Variants in CATSPERE observed in about 807,000 individuals in gnomAD.
CATSPERE encodes catsper channel auxiliary subunit epsilon.
A neutral mutation model predicts 114.1 loss-of-function variants in CATSPERE; 93 were observed. The ratio of observed to expected loss-of-function variants is 0.81; its 90% CI spans 0.69 to 0.97. CATSPERE has a LOEUF of 0.97. Ranked by LOEUF, CATSPERE falls within the 50% of genes least tolerant of loss-of-function variation. CATSPERE has a pLI of 0.00. For missense variants in CATSPERE, 1,058 were observed against 1,131.6 expected (o/e 0.93, Z 0.93); for synonymous variants, 341 against 384.1 (o/e 0.89, Z 1.31).
At chr1:244,597,410 C>T (rs147622129) in intron 17 of CATSPERE, among the ~76,000 whole-genome samples, 5 of 152,232 alleles carry the variant, frequency 3.3e-5, no homozygotes, top group African/African-American at 7.2e-5. Context: ...AGAATTGACA[C>T]GGTTAATCAT....
chr1:244,583,376 C>G (rs1356060770), intron 12 of CATSPERE, among the ~76,000 whole-genome samples: 1 of 152,154 alleles, frequency 6.6e-6, no homozygotes. Context: ...CAATCCCAGT[C>G]AGATCATATT....
chr1:244,559,835 A>G (rs1662269357), intron 9 of CATSPERE, among the ~76,000 whole-genome samples: 3 of 152,346 alleles, frequency 2.0e-5, no homozygotes, highest in Middle Eastern at 3.4e-3. Flanking sequence ...TATTAGTCCT[A>G]CCGATAGAAA....
chr1:244,553,600 A>ATACAC (rs775040459), intron 9 of CATSPERE, among the ~76,000 whole-genome samples: 3 of 32,578 alleles, frequency 9.2e-5, no homozygotes, highest in Admixed American at 3.4e-4. Flanking sequence ...AAAAAAAAAA[A>ATACAC]ATACACACAC....
intron 8 of CATSPERE, among the ~76,000 whole-genome samples, chr1:244,539,832 T>C (rs1272752129): frequency 2.4e-5 from 3 of 124,502 alleles, no homozygotes; most frequent in Admixed American, 8.4e-5. Context: ...CCCTTTATCA[T>C]TTTTTATTGC....
chr1:244,552,990 T>C (rs1660893297), intron 9 of CATSPERE, among the ~76,000 whole-genome samples, 176 bp downstream of exon 9: 1 of 152,174 alleles, frequency 6.6e-6, no homozygotes, highest in Non-Finnish European at 1.5e-5. Context: ...ACAGTAGAGA[T>C]ACACCCCCAA....
In CATSPERE at chr1:244,479,771, T is replaced by C. The variant is rs201279584; in HGVS notation, c.313T>C (p.Tyr105His). ...AAGTTCTCATACTTGCTTTCTGTGG[T>C]ACTATAGAGTTAGGTAAGTAATGCA... ...VESSHTCFLWYYRVRHFFNNF... is the reference protein window; with the variant it reads ...VESSHTCFLWHYRVRHFFNNF... The change falls in exon 5 of 22, where the codon TAC (tyrosine) becomes CAC (histidine). Residue 105 changes from tyrosine (Y) to histidine (H), a missense_variant. Tyr to His is a moderately conservative substitution (Grantham distance 83). This residue lies in a region of CATSPERE where 271 missense variants were observed against 225.9 expected (regional missense o/e 1.20). Coordinates refer to ENST00000366534, the MANE Select transcript of CATSPERE (RefSeq NM_001130957.2). The C allele has an allele frequency of 4.9e-4, 776 of 1,586,642 alleles. 2 individuals carry two copies. The highest frequency in any genetic ancestry group is 3.6e-5 in the Non-Finnish European group (42 of 1,160,580).
intron 21 of CATSPERE, 34 bp from the exon 22 acceptor site, chr1:244,639,894 T>C: frequency 6.9e-7 from 1 of 1,447,366 alleles, no homozygotes; most frequent in Non-Finnish European, 9.0e-7. Flanking sequence ...GAACAATGAC[T>C]TCTAATGCCT....
chr1:244,611,356 G>A (rs187613039), intron 19 of CATSPERE, among the ~76,000 whole-genome samples: 21 of 152,166 alleles, frequency 1.4e-4, no homozygotes, highest in Middle Eastern at 3.4e-3. Context: ...TTCTGAGGCC[G>A]AGGCGTGTGG....
chr1:244,493,979 T>C (rs539649110), intron 6 of CATSPERE, among the ~76,000 whole-genome samples: 585 of 152,194 alleles, frequency 3.8e-3, no homozygotes, highest in African/African-American at 0.013. Context: ...TGTGGAGAAA[T>C]AGGAACACTT....
intron 2 of CATSPERE, among the ~76,000 whole-genome samples, chr1:244,465,879 T>C (rs539201033): frequency 2.0e-4 from 31 of 152,338 alleles, no homozygotes; most frequent in African/African-American, 7.2e-4. Context: ...CCTCCAGAGT[T>C]GATCTCATTA....
chr1:244,576,298 G>T (rs536070396), intron 11 of CATSPERE, among the ~76,000 whole-genome samples: 2 of 152,028 alleles, frequency 1.3e-5, no homozygotes, highest in East Asian at 2.0e-4. Context: ...ACTAGAGACT[G>T]CCCCCAGAGG....
At chr1:244,628,701 A>G (rs566578091) in intron 20 of CATSPERE, among the ~76,000 whole-genome samples, 23 of 152,168 alleles carry the variant, frequency 1.5e-4, no homozygotes. Flanking sequence ...GTACTTGAAG[A>G]TTTTTATGCT....
chr1:244,490,126 G>C (rs1671765327), intron 5 of CATSPERE, among the ~76,000 whole-genome samples: 1 of 152,100 alleles, frequency 6.6e-6, no homozygotes, highest in African/African-American at 2.4e-5. Context: ...AATCATATGA[G>C]GACTTTGAAA....
chr1:244,452,000 C>T, upstream of CATSPERE: 1 of 576,016 alleles, frequency 1.7e-6, no homozygotes, highest in Non-Finnish European at 2.8e-6. This position sits in a 1 kb window ranked among gnomAD's most constrained non-coding sequence, Gnocchi z 6.6. Context: ...ACAGCCCGCT[C>T]AAGGGGGTAC....
chr1:244,490,675 T>C (rs927400746), intron 6 of CATSPERE, among the ~76,000 whole-genome samples: 2 of 152,142 alleles, frequency 1.3e-5, no homozygotes, highest in African/African-American at 4.8e-5. Context: ...AGGATGGATC[T>C]TCCCCCCTTT....
chr1:244,506,925 C>T (rs888810152), intron 7 of CATSPERE, among the ~76,000 whole-genome samples: 2 of 152,168 alleles, frequency 1.3e-5, no homozygotes, highest in African/African-American at 4.8e-5. Flanking sequence ...CCAGCCTTCC[C>T]AGCATCTGGT....
At chr1:244,488,678 G>T (rs541408627) in intron 5 of CATSPERE, among the ~76,000 whole-genome samples, 1 of 152,044 alleles carries the variant, frequency 6.6e-6, no homozygotes, top group Admixed American at 6.6e-5. Context: ...TTCCAGATAC[G>T]CTGGTAACTC....
Position 244,561,273 on chromosome 1 carries a change from C to T in CATSPERE, c.1507+128C>T, listed in dbSNP as rs972622774. ...GCAGCCAAAGGTGCACTTCTTATCA[C>T]CTACAAATGAATTGACTTTAAATAC... On this transcript the variant is annotated intron_variant, in intron 10 of 21. Coordinates refer to ENST00000366534, the MANE Select transcript of CATSPERE (RefSeq NM_001130957.2). 9.0e-6 allele frequency: 6 copies of T among 669,286 alleles called. No homozygotes were observed. The African/African-American group carries it at 1.1e-4, about 12-fold the overall frequency. The allele number at this position is 669,286 out of a possible 1,614,324, so 41.5% of individuals were successfully genotyped here.
intron 2 of CATSPERE, among the ~76,000 whole-genome samples, chr1:244,476,259 G>C (rs1669322569): frequency 6.6e-6 from 1 of 152,118 alleles, no homozygotes; most frequent in Non-Finnish European, 1.5e-5. Flanking sequence ...GGTCAACACA[G>C]TGAGATCCTG....
Sources: gnomAD v4.1 joint callset for allele counts (sites outside exome capture counted in the v4.1 genomes callset) on GRCh38, gnomAD v4.1.1 for gene constraint, gnomAD v4.1.1 regional missense constraint, Gnocchi (gnomAD v3.1) non-coding constraint, MANE v1.5 for transcripts, NCBI Gene and HGNC (gene_info 2026-07-23, HGNC 2026-07-21) for gene names.